Variants in TSHZ2 observed in about 807,000 individuals in gnomAD.
TSHZ2 encodes the protein teashirt zinc finger homeobox 2.
TSHZ2 carries 21 observed loss-of-function variants against 74.4 expected under a neutral mutation model. The observed-to-expected ratio is 0.28, with a 90% CI of 0.20 to 0.41. TSHZ2 has a LOEUF of 0.41. TSHZ2 is among the 10% of genes least tolerant of loss of function. The pLI is 1.00. For missense variants in TSHZ2, 1,244 were observed against 1,293.5 expected (o/e 0.96, Z 0.59); for synonymous variants, 540 against 515.3 (o/e 1.05, Z -0.65).
At chr20:53,406,386 A>G (rs1982853901) in intron 2 of TSHZ2, among the ~76,000 whole-genome samples, 1 of 152,218 alleles carries the variant, frequency 6.6e-6, no homozygotes, top group African/African-American at 2.4e-5. Context: ...TTACATTTTG[A>G]AAAGGATATT....
At chr20:53,445,954 A>G (rs530601239) in intron 2 of TSHZ2, among the ~76,000 whole-genome samples, 49 of 152,316 alleles carry the variant, frequency 3.2e-4, no homozygotes, top group African/African-American at 1.2e-3. Flanking sequence ...CACAGGCCTC[A>G]GAGGCAAGCC....
intron 1 of TSHZ2, among the ~76,000 whole-genome samples, chr20:53,019,647 TATATA>T: frequency 6.6e-6 from 1 of 152,256 alleles, no homozygotes; most frequent in African/African-American, 2.4e-5. Flanking sequence ...AAGTGGTGAA[TATATA>T]TTCCACCACT....
In TSHZ2 at chr20:52,973,114, G is replaced by T. The variant is rs1231614818; in HGVS notation, c.-180G>T. 6 of 675,212 alleles carry T rather than the reference G, an allele frequency of 8.9e-6. No individual in the cohort carries two copies. Among genetic ancestry groups the T allele is most frequent in the East Asian group, 3.0e-5 (1 of 32,920 alleles). 41.8% of individuals were successfully genotyped at this position (675,212 alleles called of 1,614,324 possible). The stretch of plus-strand genomic sequence containing the variant: ...CCCGTGTCTGCCACCCAGAGAGGGG[G>T]GTCTCTGGCCCGTGGTGGAGGAGTT... On this transcript the variant is annotated 5_prime_UTR_variant, in exon 1 of 3. Coordinates refer to ENST00000371497, the MANE Select transcript of TSHZ2 (RefSeq NM_173485.6).
chr20:52,989,969 T>C (rs1981918987), intron 1 of TSHZ2, among the ~76,000 whole-genome samples: 1 of 151,690 alleles, frequency 6.6e-6, no homozygotes, highest in Non-Finnish European at 1.5e-5. Flanking sequence ...ATTATATATA[T>C]ATAACTAATT....
chr20:53,338,843 C>T (rs1371379051), intron 2 of TSHZ2, among the ~76,000 whole-genome samples: 1 of 152,176 alleles, frequency 6.6e-6, no homozygotes, highest in Non-Finnish European at 1.5e-5. Context: ...GTGAGCCTTT[C>T]CTCACAGGTT....
At chr20:53,438,855 G>C (rs903613069) in intron 2 of TSHZ2, among the ~76,000 whole-genome samples, 2 of 152,190 alleles carry the variant, frequency 1.3e-5, no homozygotes, top group African/African-American at 2.4e-5. Flanking sequence ...AACTACTAGG[G>C]AGACTGAGGC....
chr20:53,001,739 C>CTT (rs142164299), intron 1 of TSHZ2, among the ~76,000 whole-genome samples: 4,000 of 152,284 alleles, frequency 0.026, 138 homozygotes, highest in Admixed American at 0.099. Flanking sequence ...AACTAAAACA[C>CTT]TTGTTTAAAA....
chr20:53,416,391 G>A (rs1983256077), intron 2 of TSHZ2, among the ~76,000 whole-genome samples: 1 of 152,214 alleles, frequency 6.6e-6, no homozygotes, highest in East Asian at 1.9e-4. Context: ...CCTTCAGACA[G>A]TAGTCGGGCT....
chr20:53,222,888 CT>C (rs1989595877), intron 1 of TSHZ2, among the ~76,000 whole-genome samples: 1 of 152,166 alleles, frequency 6.6e-6, no homozygotes, highest in Admixed American at 6.5e-5. Flanking sequence ...GAAATGTATC[CT>C]TTTTTTAGTG....
At chr20:53,395,132 G>A (rs1195827879) in intron 2 of TSHZ2, among the ~76,000 whole-genome samples, 1 of 152,216 alleles carries the variant, frequency 6.6e-6, no homozygotes, top group African/African-American at 2.4e-5. Context: ...AATAAGGACA[G>A]AGCACAACCC....
intron 1 of TSHZ2, among the ~76,000 whole-genome samples, chr20:53,221,220 G>GC (rs148469443): frequency 2.3e-4 from 35 of 151,810 alleles, no homozygotes; most frequent in East Asian, 5.8e-4. Context: ...TGATTGTGAG[G>GC]CCCCCCCCGC....
At position 53,298,272 on chromosome 20, in the gene TSHZ2, G is replaced by T. The variant is rs1194889164; in HGVS notation, c.*8+41701G>T. Among the ~76,000 whole-genome samples, 3 of 152,230 alleles carry T rather than the reference G, an allele frequency of 2.0e-5. No individual in the cohort carries two copies. The East Asian group carries it at 5.8e-4, about 29-fold the overall frequency. On this transcript the variant is annotated intron_variant, in intron 2 of 2. Transcript: ENST00000371497. ...GGCCCTTACATTCTAGAGGAGAGGG[G>T]CAGAGAACAAACACGTAAACAAAAA...
At chr20:53,438,475 T>C (rs1263928885) in intron 2 of TSHZ2, among the ~76,000 whole-genome samples, 3 of 152,280 alleles carry the variant, frequency 2.0e-5, no homozygotes, top group African/African-American at 7.2e-5. Context: ...AAATTTATTT[T>C]TTAGGAAGAA....
chr20:53,434,645 C>A (rs1983974346), intron 2 of TSHZ2, among the ~76,000 whole-genome samples: 1 of 152,216 alleles, frequency 6.6e-6, no homozygotes, highest in Admixed American at 6.5e-5. Context: ...GCTCTCCCAG[C>A]TACAACAAAC....
At chr20:53,315,443 A>G (rs191375292) in intron 2 of TSHZ2, among the ~76,000 whole-genome samples, 1 of 152,360 alleles carries the variant, frequency 6.6e-6, no homozygotes, top group East Asian at 1.9e-4. Context: ...AATCTTGGGA[A>G]AGAAAACATT....
At chr20:53,226,644 G>C (rs990812891) in intron 1 of TSHZ2, among the ~76,000 whole-genome samples, 6 of 152,120 alleles carry the variant, frequency 3.9e-5, no homozygotes, top group African/African-American at 1.4e-4. Context: ...ATAAAGCTCA[G>C]GTGTTCAAAT....
intron 2 of TSHZ2, among the ~76,000 whole-genome samples, chr20:53,323,563 CTTTTTTTTTTTTTTTT>C (rs34687825): frequency 1.4e-3 from 52 of 36,662 alleles, no homozygotes; most frequent in African/African-American, 2.9e-3. Flanking sequence ...CCTTGGAGGG[CTTTTTTTTTTTTTTTT>C]TTTTTTTTTT....
chr20:53,262,223 TC>T (rs200530103), intron 2 of TSHZ2, among the ~76,000 whole-genome samples: 2,015 of 150,366 alleles, frequency 0.013, 39 homozygotes, highest in African/African-American at 0.044. Flanking sequence ...TTTGTCTTTT[TC>T]TTTTTTTAAC....
chr20:53,326,652 A>G (rs1979506413), intron 2 of TSHZ2, among the ~76,000 whole-genome samples: 1 of 152,224 alleles, frequency 6.6e-6, no homozygotes, highest in African/African-American at 2.4e-5. Context: ...ATGATGTGGT[A>G]TAACTGTTTG....
Sources: gnomAD v4.1 joint callset for allele counts (sites outside exome capture counted in the v4.1 genomes callset) on GRCh38, gnomAD v4.1.1 for gene constraint, MANE v1.5 for transcripts, NCBI Gene and HGNC (gene_info 2026-07-23, HGNC 2026-07-21) for gene names.